DMAC2L: variants seen among roughly 807,000 people sequenced by gnomAD.
The protein encoded by DMAC2L is distal membrane arm assembly component 2 like.
A neutral mutation model predicts 22.5 loss-of-function variants in DMAC2L; 21 were observed. The ratio of observed to expected loss-of-function variants is 0.93; its 90% CI spans 0.66 to 1.34. The LOEUF (loss-of-function observed/expected upper bound fraction) is 1.34. Among genes scored for constraint, DMAC2L ranks in the 40% most tolerant of loss-of-function variants. DMAC2L has a pLI of 0.00. For missense variants in DMAC2L, 239 were observed against 246.5 expected (o/e 0.97, Z 0.20); for synonymous variants, 86 against 89.5 (o/e 0.96, Z 0.22).
At position 50,325,782 on chromosome 14, in the gene DMAC2L, A is replaced by G. The variant is rs1595227496; in HGVS notation, c.*59A>G. 1 of 1,570,880 alleles carries G rather than the reference A, an allele frequency of 6.4e-7. No individual in the cohort carries two copies. Among genetic ancestry groups the G allele is most frequent in the Non-Finnish European group, 8.6e-7 (1 of 1,162,730 alleles). ...TTGAAACTGTTGATTCCAAACATCA[A>G]CTAATATTATATAGTCATCAGTAGA... On this transcript the variant is annotated 3_prime_UTR_variant, in exon 6 of 6. Transcript: ENST00000557421.
chr14:50,326,797 T>G lies in DMAC2L; in HGVS notation c.*1074T>G. ...GGCTCGTGCCTGTAATCCCAGTGCT[T>G]TGGGAGGCTGAGGTGGGAGGATCAC... On this transcript the variant is annotated 3_prime_UTR_variant, in exon 6 of 6. Coordinates refer to ENST00000557421, the MANE Select transcript of DMAC2L (RefSeq NM_001382507.1). The G allele has an allele frequency of 1.0e-6, 1 of 970,974 alleles. No homozygotes were observed. Among genetic ancestry groups the G allele is most frequent in the South Asian group, 4.8e-5 (1 of 20,920 alleles). 60.1% of individuals were successfully genotyped at this position (970,974 alleles called of 1,614,324 possible).
intron 2 of DMAC2L, chr14:50,319,426 T>C: frequency 7.1e-7 from 1 of 1,400,918 alleles, no homozygotes; most frequent in Non-Finnish European, 9.6e-7. Flanking sequence ...TTCTCTTGAA[T>C]TCCAGAACCA....
upstream of DMAC2L, chr14:50,312,057 C>T: frequency 6.3e-7 from 1 of 1,593,676 alleles, no homozygotes; most frequent in Non-Finnish European, 8.5e-7. Flanking sequence ...CTTGGCCTCC[C>T]AGACGCGAAC....
intron 2 of DMAC2L, among the ~76,000 whole-genome samples, chr14:50,315,662 CAAAAAAAAAAA>C (rs142527130): frequency 1.7e-4 from 14 of 81,556 alleles, no homozygotes; most frequent in African/African-American, 6.1e-4. Flanking sequence ...TTCTGTTTCA[CAAAAAAAAAAA>C]AAAAAAAAAA....
At chr14:50,311,975 C>G (rs1185039957), upstream of DMAC2L, 2 of 1,545,130 alleles carry the variant, frequency 1.3e-6, no homozygotes, top group East Asian at 2.4e-5. Flanking sequence ...CGAGGGGCAG[C>G]AGCGCAGGCG....
At chr14:50,324,862 G>A (rs1483598512) in intron 5 of DMAC2L, among the ~76,000 whole-genome samples, 1 of 152,022 alleles carries the variant, frequency 6.6e-6, no homozygotes, top group Admixed American at 6.6e-5. Context: ...TACAACTTCC[G>A]CTTCCTGGGT....
intron 1 of DMAC2L, among the ~76,000 whole-genome samples, chr14:50,314,200 G>A (rs1257330465): frequency 6.6e-6 from 1 of 152,202 alleles, no homozygotes; most frequent in Non-Finnish European, 1.5e-5. Flanking sequence ...GGAGGTGATT[G>A]AATTATGGAG....
intron 2 of DMAC2L, among the ~76,000 whole-genome samples, chr14:50,317,290 C>G (rs1177900942): frequency 6.6e-6 from 1 of 152,124 alleles, no homozygotes; most frequent in Non-Finnish European, 1.5e-5. Context: ...TATTCTGAAA[C>G]TTTGCTGAAT....
chr14:50,322,617 A>G lies in DMAC2L; in HGVS notation c.214A>G (p.Lys72Glu), dbSNP rs2032372550. 1 of 1,614,046 alleles carries G rather than the reference A, an allele frequency of 6.2e-7. No homozygotes were observed. ...VRYHGQERWQ[K>E]DYNHLPTGPL... Reference sequence around the variant, plus strand: ...CTACCATGGCCAGGAGAGGTGGCAGAAGGACTACAACCACCTTCCAACAGG... The same window carrying G: ...CTACCATGGCCAGGAGAGGTGGCAGGAGGACTACAACCACCTTCCAACAGG... Residue 72 changes from lysine (K) to glutamate (E), a missense_variant, in exon 4 of 6, where the codon AAG becomes GAG. By Grantham distance (56) the Lys-to-Glu change is moderately conservative. Coordinates refer to ENST00000557421, the MANE Select transcript of DMAC2L (RefSeq NM_001382507.1).
intron 5 of DMAC2L, 33 bp from the exon 6 acceptor site, chr14:50,325,576 C>T (rs374576736): frequency 6.4e-7 from 1 of 1,562,838 alleles, no homozygotes; most frequent in South Asian, 1.2e-5. Context: ...ATGCTCTTGG[C>T]CAAATTGAAG....
chr14:50,313,122 G>A (rs1236505202), intron 1 of DMAC2L: 1 of 1,347,582 alleles, frequency 7.4e-7, no homozygotes, highest in African/African-American at 1.4e-5. Context: ...ATCTCTAAAG[G>A]ACCTTCTAAC....
intron 2 of DMAC2L, chr14:50,319,359 A>T (rs1190024694): frequency 2.4e-5 from 37 of 1,535,080 alleles, no homozygotes; most frequent in Non-Finnish European, 3.0e-5. Context: ...CAGCATCCTC[A>T]ATCACTTCCT....
At chr14:50,311,922 G>A (rs996703332), upstream of DMAC2L, 4 of 1,511,736 alleles carry the variant, frequency 2.6e-6, no homozygotes, top group Middle Eastern at 2.3e-4. Context: ...CCCGGGACAG[G>A]GAAATACGAA....
rs1177432632 is a variant in DMAC2L at position 50,326,615 on chromosome 14, G to T, written c.*892G>T. 1 of 985,266 alleles carries T rather than the reference G, an allele frequency of 1.0e-6. No homozygotes were observed. Among genetic ancestry groups the T allele is most frequent in the Non-Finnish European group, 1.2e-6 (1 of 829,924 alleles). 61.0% of individuals were successfully genotyped at this position (985,266 alleles called of 1,614,324 possible). Reference sequence around the variant, plus strand: ...AGTTGCTGCTTAATTTGTCTATTTTGTAAGCTTAGGCTACTATTTTATTAA... The same window carrying T: ...AGTTGCTGCTTAATTTGTCTATTTTTTAAGCTTAGGCTACTATTTTATTAA... On this transcript the variant is annotated 3_prime_UTR_variant, in exon 6 of 6. Transcript: ENST00000557421.
At position 50,314,627 on chromosome 14, in the gene DMAC2L, G is replaced by A. The variant is rs577539455; in HGVS notation, c.-6+1G>A. 6.6e-6 allele frequency: 3 copies of A among 454,548 alleles called. No homozygotes were observed. The highest frequency in any genetic ancestry group is 1.3e-5 in the Non-Finnish European group (3 of 226,768). The allele number at this position is 454,548 out of a possible 1,614,324, so 28.2% of individuals were successfully genotyped here. On this transcript the variant is annotated splice_donor_variant, in intron 2 of 5. Coordinates refer to ENST00000557421, the MANE Select transcript of DMAC2L (RefSeq NM_001382507.1). LOFTEE classifies it low-confidence loss of function (5UTR_SPLICE). Reference sequence around the variant, plus strand: ...AAGAGTACAATTGCTGGGTCATATGGTAAGTGCATGTTTATTTTTTATTTT... The same window carrying A: ...AAGAGTACAATTGCTGGGTCATATGATAAGTGCATGTTTATTTTTTATTTT...
In DMAC2L at chr14:50,325,669, C is replaced by A. The variant is rs774381451; in HGVS notation, c.549C>A (p.Val183=). ...LPGVREKENL[V]QAFKTALPSL... Reference sequence around the variant, plus strand: ...GAGTAAGAGAAAAAGAAAATCTTGTCCAAGCCTTTAAGACAGCACTGCCTT... The same window carrying A: ...GAGTAAGAGAAAAAGAAAATCTTGTACAAGCCTTTAAGACAGCACTGCCTT... Residue 183 remains valine, a synonymous_variant, in exon 6 of 6, where the codon GTC becomes GTA. Transcript: ENST00000557421. The A allele has an allele frequency of 6.2e-7, 1 of 1,612,972 alleles. No homozygotes were observed. Among genetic ancestry groups the A allele is most frequent in the Non-Finnish European group, 8.5e-7 (1 of 1,179,526 alleles).
rs184808523 is a variant in DMAC2L, at chr14:50,315,199, C to G, written c.-6+573C>G. Among the ~76,000 whole-genome samples the G allele has an allele frequency of 5.3e-3, 809 of 151,550 alleles. 6 individuals carry two copies. The highest frequency in any genetic ancestry group is 0.018 in the African/African-American group (761 of 41,352). On this transcript the variant is annotated intron_variant, in intron 2 of 5. Transcript: ENST00000557421. ...GCCAGGATGGTCTCAATCTCCTGGC[C>G]TCGTGATCCACCCGCCTCGGCCTCC...
rs1243747859 is a variant in DMAC2L, at chr14:50,327,939, G to A, written c.*2216G>A. On this transcript the variant is annotated 3_prime_UTR_variant, in exon 6 of 6. Coordinates refer to ENST00000557421, the MANE Select transcript of DMAC2L (RefSeq NM_001382507.1). ...ATCAGAAAATAGTAAATAAAAGGAT[G>A]TGGAAGAGTCTCATGTGATACAGTG... is the stretch of plus-strand genomic sequence containing the variant. 6.6e-6 allele frequency: 1 copy of A among 152,112 alleles called. No homozygotes were observed. Among genetic ancestry groups the A allele is most frequent in the Non-Finnish European group, 1.5e-5 (1 of 68,022 alleles). The allele number at this position is 152,112 out of a possible 1,614,324, so 9.4% of individuals were successfully genotyped here.
chr14:50,317,768 C>G (rs544331782), intron 2 of DMAC2L, among the ~76,000 whole-genome samples: 2 of 150,146 alleles, frequency 1.3e-5, no homozygotes, highest in African/African-American at 4.9e-5. Flanking sequence ...GAAACACTAT[C>G]TCCAAAAAAA....
Sources: gnomAD v4.1 joint callset for allele counts (sites outside exome capture counted in the v4.1 genomes callset) on GRCh38, gnomAD v4.1.1 for gene constraint, MANE v1.5 for transcripts, NCBI Gene and HGNC (gene_info 2026-07-23, HGNC 2026-07-21) for gene names.